Variants in CACNA1A observed in about 807,000 individuals in gnomAD.
CACNA1A encodes voltage-dependent P/Q-type calcium channel subunit alpha-1A.
Under a neutral mutation model 262.4 loss-of-function variants are expected in CACNA1A, and 57 were observed. The observed-to-expected ratio is 0.22, with a 90% confidence interval of 0.18 to 0.27. The LOEUF is 0.27. Ranked by LOEUF, CACNA1A falls within the 10% of genes least tolerant of loss-of-function variation. The probability of loss-of-function intolerance (pLI) is 1.00; values close to 1 mark genes in which losing one functional copy is unlikely to be tolerated. For missense variants in CACNA1A, 2,526 were observed against 3,562.8 expected (o/e 0.71, Z 7.41); for synonymous variants, 1,431 against 1,419.3 (o/e 1.01, Z -0.18).
chr19:13,273,329 G>C (rs1215792299), intron 24 of CACNA1A: 1 of 152,156 alleles, frequency 6.6e-6, no homozygotes, highest in Admixed American at 6.6e-5. Context: ...GTGTGTGTGT[G>C]GGGGTGCGGC....
chr19:13,464,790 T>C (rs551862590), intron 1 of CACNA1A, among the ~76,000 whole-genome samples: 143 of 152,078 alleles, frequency 9.4e-4, no homozygotes, highest in East Asian at 1.7e-3. Context: ...CCTTGTGATC[T>C]GCCCACCTTG....
chr19:13,331,410 TATTTTTA>T (rs949704836), intron 9 of CACNA1A, among the ~76,000 whole-genome samples: 18 of 152,002 alleles, frequency 1.2e-4, no homozygotes, highest in African/African-American at 4.4e-4. Context: ...CTAATTTTTG[TATTTTTA>T]GTAGAGATGG....
intron 6 of CACNA1A, among the ~76,000 whole-genome samples, chr19:13,341,077 TAAAG>T (rs2145165559): frequency 1.3e-5 from 2 of 152,006 alleles, no homozygotes; most frequent in African/African-American, 2.4e-5. Context: ...GTGTCTAAAA[TAAAG>T]AAACAAACAA....
intron 24 of CACNA1A, chr19:13,272,141 G>A (rs2057036383): frequency 6.6e-6 from 1 of 152,304 alleles, no homozygotes; most frequent in African/African-American, 2.4e-5. Context: ...AGTGACATTG[G>A]AGACCTGAAC....
At chr19:13,269,560 C>T (rs971782803) in intron 24 of CACNA1A, among the ~76,000 whole-genome samples, 5 of 152,314 alleles carry the variant, frequency 3.3e-5, no homozygotes, top group East Asian at 1.9e-4. Context: ...TTGATCAAGG[C>T]GCTCTGCCAG....
intron 3 of CACNA1A, among the ~76,000 whole-genome samples, chr19:13,413,755 C>T (rs2060161810): frequency 6.7e-6 from 1 of 150,048 alleles, no homozygotes; most frequent in Non-Finnish European, 1.5e-5. Context: ...GTGCCAGGTA[C>T]CTGTAATCTC....
intron 3 of CACNA1A, among the ~76,000 whole-genome samples, chr19:13,422,696 G>A (rs1023266540): frequency 2.0e-5 from 3 of 152,194 alleles, no homozygotes; most frequent in African/African-American, 7.2e-5. Flanking sequence ...GGAGTGTGCT[G>A]GAGACCCAGC....
chr19:13,321,812 T>C (rs1311169848), intron 10 of CACNA1A, among the ~76,000 whole-genome samples: 1 of 151,870 alleles, frequency 6.6e-6, no homozygotes, highest in African/African-American at 2.4e-5. Context: ...GGTGAGTGAA[T>C]GTGAAGGCCT....
Position 13,301,540 on chromosome 19 carries a change from G to A in CACNA1A, c.2173-884C>T, listed in dbSNP as rs1600278866. On this transcript the variant is annotated intron_variant, in intron 17 of 46. Coordinates refer to ENST00000360228, the MANE Select transcript of CACNA1A (RefSeq NM_001127222.2). ...ACTGCCCAGGGTGCTGCTGCTCACTGGTGGTTAGGTTCAGAGAGGAGGAGA... is the reference window on the plus strand; with the variant it reads ...ACTGCCCAGGGTGCTGCTGCTCACTAGTGGTTAGGTTCAGAGAGGAGGAGA... 3.3e-5 allele frequency among the ~76,000 whole-genome samples: 5 copies of A among 152,332 alleles called. No homozygotes were observed. The East Asian group carries it at 5.8e-4, about 18-fold the overall frequency.
At chr19:13,310,103 C>T (rs4926264) in intron 12 of CACNA1A, among the ~76,000 whole-genome samples, 20,566 of 151,928 alleles carry the variant, frequency 0.14, 1,749 homozygotes, top group East Asian at 0.33. Context: ...TTTCTTTTAC[C>T]GAGCGTTGTG....
chr19:13,348,548 C>CA (rs1454822528), intron 6 of CACNA1A, among the ~76,000 whole-genome samples: 1 of 151,818 alleles, frequency 6.6e-6, no homozygotes, highest in Non-Finnish European at 1.5e-5. Context: ...GTTAAAAATA[C>CA]AAAAAATTGG....
chr19:13,283,215 G>A (rs968306457), intron 22 of CACNA1A, 52 bp downstream of exon 22: 1 of 1,594,432 alleles, frequency 6.3e-7, no homozygotes, highest in Non-Finnish European at 8.6e-7. Context: ...AGGAGAAAGT[G>A]GCCTGAGGCA....
intron 18 of CACNA1A, among the ~76,000 whole-genome samples, chr19:13,299,578 C>T (rs1185361928): frequency 2.0e-5 from 3 of 152,184 alleles, no homozygotes; most frequent in Non-Finnish European, 4.4e-5. Context: ...CAAGTCCTCC[C>T]CCCTGACCCA....
At chr19:13,456,019 A>G (rs1341510594) in intron 1 of CACNA1A, among the ~76,000 whole-genome samples, 2 of 151,886 alleles carry the variant, frequency 1.3e-5, no homozygotes, top group African/African-American at 2.4e-5. Flanking sequence ...GCGTGGTGGT[A>G]CACACCTGTA....
chr19:13,299,724 C>T (rs764022027), intron 18 of CACNA1A, among the ~76,000 whole-genome samples: 5 of 152,232 alleles, frequency 3.3e-5, no homozygotes, highest in South Asian at 2.1e-4. Context: ...GTTCCCTCTG[C>T]CTGGGATGCC....
At chr19:13,274,482 G>C (rs1160522210) in intron 24 of CACNA1A, 3 of 152,232 alleles carry the variant, frequency 2.0e-5, no homozygotes, top group Non-Finnish European at 4.4e-5. Context: ...CGATGGGAGT[G>C]AATGTGTCAA....
chr19:13,269,462 G>C (rs1409498796), intron 24 of CACNA1A, among the ~76,000 whole-genome samples: 1 of 152,194 alleles, frequency 6.6e-6, no homozygotes, highest in African/African-American at 2.4e-5. Context: ...GGTGGGGGCT[G>C]TTTTGAAGAT....
At chr19:13,227,720 A>AG (rs1202416216) in intron 36 of CACNA1A, 193 bp from the exon 37 acceptor site, 4 of 331,456 alleles carry the variant, frequency 1.2e-5, no homozygotes, top group African/African-American at 6.5e-5. Flanking sequence ...GGAAAAGAGG[A>AG]GGAAAAAAAA....
chr19:13,232,742 CAA>C (rs780750755), intron 34 of CACNA1A, among the ~76,000 whole-genome samples: 27 of 91,554 alleles, frequency 2.9e-4, no homozygotes, highest in Admixed American at 3.6e-4. Flanking sequence ...CAAAAAAAAG[CAA>C]AAAAAAAAAA....
Sources: allele counts gnomAD v4.1 joint callset (sites outside exome capture counted in the v4.1 genomes callset), GRCh38; gene constraint gnomAD v4.1.1; transcripts MANE v1.5; gene names NCBI Gene and HGNC (gene_info 2026-07-23, HGNC 2026-07-21).